Variants in SORCS1 observed in about 807,000 individuals in gnomAD.
SORCS1 encodes sortilin related VPS10 domain containing receptor 1.
A neutral mutation model predicts 146.1 loss-of-function variants in SORCS1; 60 were observed. The ratio of observed to expected loss-of-function variants is 0.41; its 90% CI spans 0.33 to 0.51. The LOEUF (loss-of-function observed/expected upper bound fraction) is 0.51, where lower values mean the gene tolerates loss of function less well. SORCS1 is among the 20% of genes least tolerant of loss of function. The pLI is 0.21. For synonymous variants in SORCS1, 637 were observed against 584.0 expected, an observed-to-expected ratio of 1.09 and a Z score of -1.31; for missense variants, 1,352 against 1,487.6, an observed-to-expected ratio of 0.91 and a Z score of 1.50.
At chr10:107,082,294 G>A (rs994803536) in intron 1 of SORCS1, among the ~76,000 whole-genome samples, 1 of 152,090 alleles carries the variant, frequency 6.6e-6, no homozygotes, top group Non-Finnish European at 1.5e-5. Context: ...TACTCTTTAA[G>A]AGGAGATTTT....
At chr10:107,113,775 C>G (rs1431100205) in intron 1 of SORCS1, among the ~76,000 whole-genome samples, 2 of 150,706 alleles carry the variant, frequency 1.3e-5, no homozygotes, top group Non-Finnish European at 3.0e-5. Context: ...TAAACTAGGC[C>G]CAAAGTCAGC....
At chr10:106,601,923 T>C (rs186034140) in intron 23 of SORCS1, among the ~76,000 whole-genome samples, 4 of 152,350 alleles carry the variant, frequency 2.6e-5, no homozygotes, top group Non-Finnish European at 2.9e-5. Flanking sequence ...TCCTATCATG[T>C]ACCCTGAAAG....
At chr10:106,777,757 T>C (rs1860562448) in intron 3 of SORCS1, among the ~76,000 whole-genome samples, 2 of 152,206 alleles carry the variant, frequency 1.3e-5, no homozygotes, top group Non-Finnish European at 2.9e-5. Flanking sequence ...TGTGATAAAT[T>C]ACTTCATTCC....
chr10:106,707,037 A>AGC (rs1854581782), intron 7 of SORCS1, among the ~76,000 whole-genome samples: 1 of 152,108 alleles, frequency 6.6e-6, no homozygotes, highest in Admixed American at 6.5e-5. Context: ...GCAGAGCTGG[A>AGC]GGCTCACATC....
At chr10:107,069,549 T>C (rs1590064340) in intron 1 of SORCS1, among the ~76,000 whole-genome samples, 1 of 152,206 alleles carries the variant, frequency 6.6e-6, no homozygotes, top group East Asian at 1.9e-4. Flanking sequence ...CTAATTTTTG[T>C]ATTTTTGGTA....
At chr10:106,858,626 A>AAAAT (rs1949884079) in intron 2 of SORCS1, among the ~76,000 whole-genome samples, 1 of 148,378 alleles carries the variant, frequency 6.7e-6, no homozygotes. Flanking sequence ...AAAAAAAAAA[A>AAAAT]GGAAAGAAAA....
intron 2 of SORCS1, among the ~76,000 whole-genome samples, chr10:106,956,248 G>A (rs1003414528): frequency 6.6e-6 from 1 of 152,180 alleles, no homozygotes; most frequent in African/African-American, 2.4e-5. Flanking sequence ...TCACAGGTCA[G>A]TGAGACAGTG....
intron 5 of SORCS1, among the ~76,000 whole-genome samples, chr10:106,759,219 C>A (rs1858891703): frequency 6.6e-6 from 1 of 152,154 alleles, no homozygotes; most frequent in African/African-American, 2.4e-5. Context: ...GCCTGTAACT[C>A]TAAAGGCTGA....
At chr10:107,021,317 C>A (rs1405772187) in intron 1 of SORCS1, among the ~76,000 whole-genome samples, 1 of 151,740 alleles carries the variant, frequency 6.6e-6, no homozygotes, top group Non-Finnish European at 1.5e-5. Context: ...TCGAGACCAT[C>A]CTGGTTAACA....
At chr10:107,135,609 T>G (rs150773118) in intron 1 of SORCS1, among the ~76,000 whole-genome samples, 4 of 152,312 alleles carry the variant, frequency 2.6e-5, no homozygotes, top group South Asian at 2.1e-4. Flanking sequence ...ATATAGAATA[T>G]ACATTGGAAG....
At chr10:106,647,928 C>T (rs535133745) in intron 18 of SORCS1, among the ~76,000 whole-genome samples, 15 of 152,222 alleles carry the variant, frequency 9.9e-5, no homozygotes, top group Admixed American at 2.6e-4. Flanking sequence ...AGTGCTGTGG[C>T]GCAATTATGG....
At chr10:106,821,183 C>T (rs1431537727) in intron 3 of SORCS1, among the ~76,000 whole-genome samples, 4 of 152,156 alleles carry the variant, frequency 2.6e-5, no homozygotes, top group African/African-American at 9.7e-5. Flanking sequence ...AAGAACCACT[C>T]AGTGATATAA....
intron 9 of SORCS1, among the ~76,000 whole-genome samples, chr10:106,694,955 A>G (rs1049125334): frequency 2.0e-5 from 3 of 152,186 alleles, no homozygotes; most frequent in South Asian, 4.1e-4. Context: ...AGAAGGTACC[A>G]TCCAAACCTG....
rs116341592 is a variant in SORCS1, at chr10:106,860,198, C to G, written c.627-30525G>C. ...ATTATATATCAGTTTGTTTAAATGT[C>G]TATAAATACAGCTATGGAAAATAAA... On this transcript the variant is annotated intron_variant, in intron 2 of 25. Transcript: ENST00000263054. Among the ~76,000 whole-genome samples, 251 of 152,294 alleles carry G rather than the reference C, an allele frequency of 1.6e-3. 2 individuals are homozygous for G. Among genetic ancestry groups the G allele is most frequent in the African/African-American group, 5.7e-3 (235 of 41,566 alleles).
intron 1 of SORCS1, among the ~76,000 whole-genome samples, chr10:106,986,546 GTGTC>G (rs1554905061): frequency 1.5e-5 from 2 of 132,948 alleles, no homozygotes; most frequent in Admixed American, 7.6e-5. Flanking sequence ...GTGTGTGTGT[GTGTC>G]TGTGAGTGTG....
intron 17 of SORCS1, among the ~76,000 whole-genome samples, chr10:106,661,831 A>T (rs1229043027): frequency 1.3e-5 from 2 of 152,222 alleles, no homozygotes; most frequent in Non-Finnish European, 2.9e-5. Flanking sequence ...TTCACTCTCA[A>T]TCCCTAACAG....
chr10:106,966,258 T>C (rs1046334303), intron 1 of SORCS1, among the ~76,000 whole-genome samples: 2 of 151,244 alleles, frequency 1.3e-5, no homozygotes, highest in African/African-American at 2.5e-5. Flanking sequence ...GTGATAGAAA[T>C]ACATATGCAC....
At chr10:106,632,208 T>C (rs1451341236) in intron 18 of SORCS1, among the ~76,000 whole-genome samples, 1 of 152,230 alleles carries the variant, frequency 6.6e-6, no homozygotes, top group South Asian at 2.1e-4. Context: ...GATATTGGGA[T>C]AGGCCTCTTG....
chr10:106,905,606 T>C (rs1019331625), intron 2 of SORCS1, among the ~76,000 whole-genome samples: 1 of 152,210 alleles, frequency 6.6e-6, no homozygotes, highest in East Asian at 1.9e-4. Context: ...AATTTTCTAA[T>C]TAAAATAGTT....
Sources: allele counts gnomAD v4.1 joint callset (sites outside exome capture counted in the v4.1 genomes callset), GRCh38; gene constraint gnomAD v4.1.1; transcripts MANE v1.5; gene names NCBI Gene and HGNC (gene_info 2026-07-23, HGNC 2026-07-21).